Variants in APPBP2 observed in about 807,000 individuals in gnomAD.
The protein encoded by APPBP2 is amyloid protein-binding protein 2.
A neutral mutation model predicts 76.0 loss-of-function variants in APPBP2; 15 were observed. The ratio of observed to expected loss-of-function variants is 0.20; its 90% CI spans 0.13 to 0.30. APPBP2 has a LOEUF of 0.30. Ranked by LOEUF, APPBP2 falls within the 10% of genes least tolerant of loss-of-function variation. APPBP2 has a pLI of 1.00. For synonymous variants in APPBP2, 222 were observed against 242.2 expected, an observed-to-expected ratio of 0.92 and a Z score of 0.77; for missense variants, 401 against 687.2, an observed-to-expected ratio of 0.58 and a Z score of 4.66.
intron 1 of APPBP2, 113 bp downstream of exon 1, chr17:60,525,681 G>A (rs1373829803): frequency 1.1e-5 from 17 of 1,502,640 alleles, no homozygotes; most frequent in East Asian, 2.3e-5. Context: ...CGTTTCGGGA[G>A]GCAAGTCTGC....
chr17:60,458,779 T>C (rs995523879), intron 9 of APPBP2, among the ~76,000 whole-genome samples: 3 of 146,694 alleles, frequency 2.0e-5, no homozygotes, highest in African/African-American at 5.5e-5. Flanking sequence ...GGTTTTTTTT[T>C]TTGTTTTTTT....
intron 1 of APPBP2, chr17:60,513,365 G>A (rs1394628702): frequency 3.1e-6 from 2 of 649,902 alleles, no homozygotes; most frequent in Non-Finnish European, 5.7e-6. Context: ...CAGCTTATGT[G>A]GTCTATGAAG....
chr17:60,447,219 A>G lies in APPBP2; in HGVS notation c.*362T>C, dbSNP rs1422798966. The G allele has an allele frequency of 5.7e-6, 1 of 174,534 alleles. No homozygotes were observed. Among genetic ancestry groups the G allele is most frequent in the Non-Finnish European group, 1.2e-5 (1 of 82,298 alleles). The allele number at this position is 174,534 out of a possible 1,614,324, so 10.8% of individuals were successfully genotyped here. A position where few individuals can be genotyped will look rare whatever the true frequency, so the allele number is the denominator to read the frequency against. On this transcript the variant is annotated 3_prime_UTR_variant, in exon 13 of 13. Transcript: ENST00000083182. ...AAAGTTGTTAAAATCATCCTTACAT[A>G]ATAAGAATGCAACTCTTTTAAACTC...
chr17:60,459,638 C>T (rs1263546775), intron 9 of APPBP2: 1 of 152,070 alleles, frequency 6.6e-6, no homozygotes, highest in Non-Finnish European at 1.5e-5. Flanking sequence ...ATTACAAGTG[C>T]CCACCACCAT....
At chr17:60,495,438 TA>T (rs2090766978) in intron 2 of APPBP2, among the ~76,000 whole-genome samples, 1 of 105,416 alleles carries the variant, frequency 9.5e-6, no homozygotes, top group African/African-American at 6.6e-5. Context: ...TTTATTTATT[TA>T]TTATTTATTT....
At chr17:60,503,159 C>A (rs541617970) in intron 1 of APPBP2, among the ~76,000 whole-genome samples, 1 of 144,642 alleles carries the variant, frequency 6.9e-6, no homozygotes, top group Non-Finnish European at 1.5e-5. Context: ...ACTACCGGCG[C>A]GGGATACCAC....
At chr17:60,477,795 C>A (rs2143375471) in intron 4 of APPBP2, among the ~76,000 whole-genome samples, 1 of 136,774 alleles carries the variant, frequency 7.3e-6, no homozygotes, top group South Asian at 2.2e-4. Flanking sequence ...TGAAATCCAA[C>A]TGGCCAAAAA....
chr17:60,505,676 GTTTT>G lies in APPBP2; in HGVS notation c.139-5193_139-5190del, dbSNP rs1170935393. Among the ~76,000 whole-genome samples the G allele has an allele frequency of 6.9e-3, 595 of 85,624 alleles. 7 individuals carry two copies. Among genetic ancestry groups the G allele is most frequent in the African/African-American group, 0.041 (534 of 12,930 alleles). 56.2% of individuals were successfully genotyped at this position (85,624 alleles called of 152,430 possible). A position where few individuals can be genotyped will look rare whatever the true frequency, so the allele number is the denominator to read the frequency against. On this transcript the variant is annotated intron_variant, in intron 1 of 12. Coordinates refer to ENST00000083182, the MANE Select transcript of APPBP2 (RefSeq NM_006380.5). Reference sequence around the variant, plus strand: ...TCCTAAAAGCCACCTGACCCCTGCGGTTTTTTTTTTTTTTTTTTTTTTTTTTTGA... The same window carrying G: ...TCCTAAAAGCCACCTGACCCCTGCGGTTTTTTTTTTTTTTTTTTTTTTTGA...
chr17:60,448,812 T>C (rs527595179), intron 12 of APPBP2, among the ~76,000 whole-genome samples: 1 of 152,206 alleles, frequency 6.6e-6, no homozygotes, highest in Non-Finnish European at 1.5e-5. Context: ...CAGAAACTAA[T>C]GAGACTGGTT....
chr17:60,503,005 T>A (rs2090834379), intron 1 of APPBP2, among the ~76,000 whole-genome samples: 1 of 145,014 alleles, frequency 6.9e-6, no homozygotes, highest in African/African-American at 2.9e-5. Context: ...TTTGGCTGTT[T>A]AAATTTTCTT....
At chr17:60,515,251 G>A (rs371712837) in intron 1 of APPBP2, among the ~76,000 whole-genome samples, 88 of 151,798 alleles carry the variant, frequency 5.8e-4, no homozygotes, top group Middle Eastern at 3.4e-3. Flanking sequence ...AAGTAGCTGG[G>A]ATTATAGGCA....
chr17:60,491,643 C>T (rs1450699935), intron 3 of APPBP2, among the ~76,000 whole-genome samples: 1 of 151,684 alleles, frequency 6.6e-6, no homozygotes, highest in Non-Finnish European at 1.5e-5. Flanking sequence ...TACGGTTTCA[C>T]CATGTTGGCC....
intron 1 of APPBP2, among the ~76,000 whole-genome samples, chr17:60,525,377 T>C (rs1227151199): frequency 6.6e-6 from 1 of 151,182 alleles, no homozygotes; most frequent in East Asian, 1.9e-4. Flanking sequence ...GATGAGAAAG[T>C]AGGAATGGGT....
chr17:60,483,676 A>G (rs2090649548), intron 3 of APPBP2, among the ~76,000 whole-genome samples: 1 of 152,182 alleles, frequency 6.6e-6, no homozygotes, highest in Non-Finnish European at 1.5e-5. Context: ...TACAGGCGTG[A>G]GCCACCGCAC....
At chr17:60,514,674 G>C (rs1402726528) in intron 1 of APPBP2, among the ~76,000 whole-genome samples, 1 of 151,002 alleles carries the variant, frequency 6.6e-6, no homozygotes, top group East Asian at 1.9e-4. Flanking sequence ...TCCTCTAACA[G>C]GATTTTCCAC....
At chr17:60,516,363 A>C (rs1356612332) in intron 1 of APPBP2, among the ~76,000 whole-genome samples, 2 of 152,208 alleles carry the variant, frequency 1.3e-5, no homozygotes, top group Non-Finnish European at 2.9e-5. Context: ...TAGGACATAA[A>C]TAATATGAAG....
At chr17:60,513,198 C>CG in intron 1 of APPBP2, 1 of 365,258 alleles carries the variant, frequency 2.7e-6, no homozygotes, top group Non-Finnish European at 5.1e-6. Context: ...GCAGTGCAAG[C>CG]GGCCAAGAGG....
chr17:60,447,497 C>T lies in APPBP2; in HGVS notation c.*84G>A, dbSNP rs912613587. Reference sequence around the variant, plus strand: ...ACCAGTGTTTCAATGCAAATTCCAGCCCCCCAAAACAACATGGTTTTGATT... The same window carrying T: ...ACCAGTGTTTCAATGCAAATTCCAGTCCCCCAAAACAACATGGTTTTGATT... On this transcript the variant is annotated 3_prime_UTR_variant, in exon 13 of 13. Coordinates refer to ENST00000083182, the MANE Select transcript of APPBP2 (RefSeq NM_006380.5). The T allele has an allele frequency of 8.2e-5, 121 of 1,481,498 alleles. 1 individual carries two copies. Among genetic ancestry groups the T allele is most frequent in the Non-Finnish European group, 1.1e-4 (119 of 1,107,480 alleles). 91.8% of individuals were successfully genotyped at this position (1,481,498 alleles called of 1,614,324 possible).
intron 1 of APPBP2, among the ~76,000 whole-genome samples, chr17:60,512,611 A>C: frequency 6.6e-6 from 1 of 151,236 alleles, no homozygotes; most frequent in Non-Finnish European, 1.5e-5. Flanking sequence ...CTGAGGCGGG[A>C]GGATCACGAG....
Sources: allele counts gnomAD v4.1 joint callset (sites outside exome capture counted in the v4.1 genomes callset), GRCh38; gene constraint gnomAD v4.1.1; transcripts MANE v1.5; gene names NCBI Gene and HGNC (gene_info 2026-07-23, HGNC 2026-07-21).